Variants in EPG5 observed in about 807,000 individuals in gnomAD.
EPG5 encodes ectopic P granules protein 5 homolog.
A neutral mutation model predicts 302.7 loss-of-function variants in EPG5; 159 were observed. That is an observed-to-expected ratio of 0.53 (90% CI 0.46 to 0.60). The LOEUF is 0.60. Ranked by LOEUF, EPG5 falls within the 20% of genes least tolerant of loss-of-function variation. The pLI is 0.00. For synonymous variants in EPG5, 1,158 were observed against 1,136.8 expected (o/e 1.02, Z -0.37); for missense variants, 2,896 against 3,092.4 (o/e 0.94, Z 1.51).
intron 31 of EPG5, among the ~76,000 whole-genome samples, chr18:45,880,668 C>T (rs2145409519): frequency 6.6e-6 from 1 of 152,270 alleles, no homozygotes; most frequent in South Asian, 2.1e-4. Flanking sequence ...CCCCCAATTC[C>T]CCGAAACCAA....
intron 13 of EPG5, among the ~76,000 whole-genome samples, chr18:45,926,263 A>T (rs1252817901): frequency 6.6e-6 from 1 of 152,160 alleles, no homozygotes; most frequent in Non-Finnish European, 1.5e-5. Context: ...GTAATTATTC[A>T]TTCTATGGCA....
intron 36 of EPG5, among the ~76,000 whole-genome samples, chr18:45,868,661 G>A (rs1031219710): frequency 3.3e-5 from 5 of 151,174 alleles, no homozygotes; most frequent in African/African-American, 1.2e-4. Context: ...GAGCCACCGC[G>A]CCCGGCCTAT....
chr18:45,952,343 C>A (rs1202753512), intron 3 of EPG5, 57 bp downstream of exon 3: 3 of 1,589,796 alleles, frequency 1.9e-6, no homozygotes, highest in East Asian at 4.5e-5. Context: ...CCAGGCTATA[C>A]CCCTCAATTT....
intron 40 of EPG5, among the ~76,000 whole-genome samples, chr18:45,859,757 C>A (rs2048592254): frequency 6.6e-6 from 1 of 152,144 alleles, no homozygotes; most frequent in South Asian, 2.1e-4. Context: ...TATATAGATC[C>A]TGGTATATAG....
At chr18:45,832,192 A>T in the EPG5 span, among the ~76,000 whole-genome samples, 1 of 152,220 alleles carries the variant, frequency 6.6e-6, no homozygotes, top group Admixed American at 6.5e-5. Context: ...GTTTCATTCA[A>T]TCCTCAATCC....
intron 39 of EPG5, 30 bp downstream of exon 39, chr18:45,865,585 T>A: frequency 6.2e-7 from 1 of 1,611,626 alleles, no homozygotes; most frequent in South Asian, 1.1e-5. Flanking sequence ...ATTGACTGAA[T>A]GAATACAGGA....
chr18:45,960,648 G>T (rs2051129388), intron 1 of EPG5, among the ~76,000 whole-genome samples: 1 of 152,042 alleles, frequency 6.6e-6, no homozygotes, highest in South Asian at 2.1e-4. Context: ...TCTGGAGTGT[G>T]GGTATATGGG....
rs189544363 is a variant in EPG5, at chr18:45,869,800, C to T, written c.6225+767G>A. 1.5e-3 allele frequency among the ~76,000 whole-genome samples: 223 copies of T among 152,136 alleles called. 1 individual carries two copies. Among genetic ancestry groups the T allele is most frequent in the African/African-American group, 5.1e-3 (213 of 41,490 alleles). On this transcript the variant is annotated intron_variant, in intron 36 of 43. Coordinates refer to ENST00000282041, the MANE Select transcript of EPG5 (RefSeq NM_020964.3). ...ATATTTTGCTAACCTTCATAAATAA[C>T]TGTAGATCTGTATCAAAGCACTTAA...
the EPG5 span, among the ~76,000 whole-genome samples, chr18:45,831,314 T>C: frequency 1.3e-5 from 2 of 152,260 alleles, no homozygotes; most frequent in Non-Finnish European, 2.9e-5. Flanking sequence ...GCCTAAGCTG[T>C]CTTTCCACTA....
intron 25 of EPG5, among the ~76,000 whole-genome samples, chr18:45,903,441 A>T (rs536956699): frequency 2.0e-5 from 3 of 152,298 alleles, no homozygotes; most frequent in African/African-American, 7.2e-5. Flanking sequence ...ATAAGAAGGT[A>T]TTCTGCATTT....
At chr18:45,929,225 T>C (rs1029831819) in intron 12 of EPG5, among the ~76,000 whole-genome samples, 1 of 152,220 alleles carries the variant, frequency 6.6e-6, no homozygotes, top group Non-Finnish European at 1.5e-5. Context: ...CAACTTCTTA[T>C]AACAATGACT....
intron 36 of EPG5, among the ~76,000 whole-genome samples, chr18:45,868,419 C>A (rs927592592): frequency 2.0e-5 from 3 of 151,372 alleles, no homozygotes; most frequent in East Asian, 3.9e-4. Context: ...CTCAACGCAA[C>A]CTCCGCCTCC....
At chr18:45,893,162 C>T (rs2049388274) in intron 27 of EPG5, among the ~76,000 whole-genome samples, 2 of 152,166 alleles carry the variant, frequency 1.3e-5, no homozygotes. Flanking sequence ...TGAATTTAGA[C>T]ATATGCAGGC....
At chr18:45,874,171 G>A (rs538183699) in intron 35 of EPG5, among the ~76,000 whole-genome samples, 1 of 152,320 alleles carries the variant, frequency 6.6e-6, no homozygotes, top group South Asian at 2.1e-4. Flanking sequence ...CATTGATAAT[G>A]ATGCCTTAAT....
chr18:45,840,351 C>T, the EPG5 span: 1 of 1,245,718 alleles, frequency 8.0e-7, no homozygotes, highest in South Asian at 1.5e-5. Context: ...GGGCTGGGGT[C>T]CTACTTTGAC....
At chr18:45,833,501 CG>C in the EPG5 span, among the ~76,000 whole-genome samples, 6 of 152,056 alleles carry the variant, frequency 3.9e-5, no homozygotes, top group South Asian at 1.2e-3. Flanking sequence ...TTAGTAGAGA[CG>C]GGGTTTTACC....
chr18:45,841,201 C>A, the EPG5 span: 1,031 of 152,700 alleles, frequency 6.8e-3, 15 homozygotes, highest in African/African-American at 0.023. Flanking sequence ...AGATCAAGTT[C>A]TCTTGGAGGA....
the EPG5 span, among the ~76,000 whole-genome samples, chr18:45,816,978 G>C: frequency 6.6e-6 from 1 of 152,224 alleles, no homozygotes; most frequent in East Asian, 1.9e-4. Flanking sequence ...ACCTGGATGA[G>C]ACTGGAGACT....
intron 1 of EPG5, among the ~76,000 whole-genome samples, chr18:45,961,289 C>T (rs72918391): frequency 0.11 from 17,278 of 152,242 alleles, 1,288 homozygotes; most frequent in African/African-American, 0.21. Flanking sequence ...CTGCTCAAAA[C>T]CCTGTGTTGA....
Sources: gnomAD v4.1 joint callset for allele counts (sites outside exome capture counted in the v4.1 genomes callset) on GRCh38, gnomAD v4.1.1 for gene constraint, MANE v1.5 for transcripts, NCBI Gene and HGNC (gene_info 2026-07-23, HGNC 2026-07-21) for gene names.